CTNNA2: variants seen among roughly 807,000 people sequenced by gnomAD.
The protein encoded by CTNNA2 is catenin alpha 2.
Under a neutral mutation model 101.0 loss-of-function variants are expected in CTNNA2, and 42 were observed. That is an observed-to-expected ratio of 0.42 (90% CI 0.32 to 0.54). The LOEUF (loss-of-function observed/expected upper bound fraction) is 0.54. Ranked by LOEUF, CTNNA2 falls within the 20% of genes least tolerant of loss-of-function variation. The probability of loss-of-function intolerance (pLI) is 0.14; values close to 1 mark genes in which losing one functional copy is unlikely to be tolerated. For synonymous variants in CTNNA2, 450 were observed against 456.4 expected, an observed-to-expected ratio of 0.99 and a Z score of 0.18; for missense variants, 871 against 1,223.1, an observed-to-expected ratio of 0.71 and a Z score of 4.29.
intron 7 of CTNNA2, among the ~76,000 whole-genome samples, chr2:80,225,597 T>C (rs1406885143): frequency 6.6e-6 from 1 of 152,222 alleles, no homozygotes; most frequent in Non-Finnish European, 1.5e-5. Flanking sequence ...ATTGCCATAG[T>C]AGGAAAACAT....
In CTNNA2 at chr2:80,487,891, A is replaced by G. The variant is rs538576828; in HGVS notation, c.1291-57091A>G. On this transcript the variant is annotated intron_variant, in intron 9 of 18. Coordinates refer to ENST00000402739, the MANE Select transcript of CTNNA2 (RefSeq NM_001282597.3). ...AACAGACACAAATGTGTTACTTTTG[A>G]TATATTTTTTCTGTGACCATTGACC... is the stretch of plus-strand genomic sequence containing the variant. Among the ~76,000 whole-genome samples the G allele has an allele frequency of 2.0e-4, 31 of 152,252 alleles. 1 individual carries two copies. In the South Asian group the frequency reaches 6.4e-3, roughly 32 times the overall value.
At chr2:80,276,812 C>T (rs984927611) in intron 7 of CTNNA2, among the ~76,000 whole-genome samples, 4 of 152,088 alleles carry the variant, frequency 2.6e-5, no homozygotes, top group Admixed American at 2.6e-4. Context: ...CCCCATGACC[C>T]AAACACCCCC....
At chr2:79,389,909 G>A (rs2104471030) in intron 4 of CTNNA2, among the ~76,000 whole-genome samples, 1 of 152,262 alleles carries the variant, frequency 6.6e-6, no homozygotes, top group African/African-American at 2.4e-5. Flanking sequence ...ATTATGTAAA[G>A]TGGCTAATTA....
chr2:79,413,961 A>G (rs1678448284), intron 4 of CTNNA2, among the ~76,000 whole-genome samples: 1 of 53,008 alleles, frequency 1.9e-5, no homozygotes, highest in African/African-American at 6.2e-5. Flanking sequence ...ATATATATAT[A>G]TATATATATA....
chr2:80,152,537 A>G (rs1703772387), intron 7 of CTNNA2, among the ~76,000 whole-genome samples: 1 of 152,114 alleles, frequency 6.6e-6, no homozygotes, highest in Admixed American at 6.6e-5. Flanking sequence ...TTCATTCAGA[A>G]CATTTTTTTT....
chr2:80,143,663 T>G (rs1229362048), intron 7 of CTNNA2, among the ~76,000 whole-genome samples: 1 of 152,014 alleles, frequency 6.6e-6, no homozygotes, highest in Non-Finnish European at 1.5e-5. Flanking sequence ...ATTCCTACAT[T>G]CTCCTTTCAA....
intron 8 of CTNNA2, among the ~76,000 whole-genome samples, chr2:80,404,458 C>T (rs1678872033): frequency 6.6e-6 from 1 of 152,118 alleles, no homozygotes; most frequent in South Asian, 2.1e-4. Context: ...ATCTTCTTAA[C>T]TTGAATAAGG....
At chr2:79,872,567 G>C (rs1682674077) in intron 5 of CTNNA2, among the ~76,000 whole-genome samples, 2 of 152,022 alleles carry the variant, frequency 1.3e-5, no homozygotes, top group African/African-American at 4.8e-5. Context: ...GCTCAAATTA[G>C]ATAATCCCAA....
intron 3 of CTNNA2, among the ~76,000 whole-genome samples, chr2:79,837,224 C>T (rs181424454): frequency 6.6e-6 from 1 of 152,212 alleles, no homozygotes; most frequent in Admixed American, 6.5e-5. Context: ...AGTCTGAGTT[C>T]CAAAACTGAA....
At chr2:80,316,460 G>T (rs1243796137) in intron 7 of CTNNA2, among the ~76,000 whole-genome samples, 4 of 152,114 alleles carry the variant, frequency 2.6e-5, no homozygotes, top group Non-Finnish European at 5.9e-5. Context: ...CCTTTAGTCT[G>T]CAGTTTAAAT....
intron 2 of CTNNA2, among the ~76,000 whole-genome samples, chr2:79,198,789 T>A (rs1673995654): frequency 6.6e-6 from 1 of 152,210 alleles, no homozygotes; most frequent in Non-Finnish European, 1.5e-5. Flanking sequence ...ATTCATTTTA[T>A]AAATTTATAG....
chr2:80,036,138 G>A (rs745569274), intron 7 of CTNNA2, among the ~76,000 whole-genome samples: 15 of 152,272 alleles, frequency 9.9e-5, no homozygotes, highest in Non-Finnish European at 2.1e-4. Context: ...GAAGCAGTGC[G>A]ATAATCTACT....
intron 2 of CTNNA2, among the ~76,000 whole-genome samples, chr2:79,220,267 T>A (rs577448459): frequency 6.6e-6 from 1 of 152,158 alleles, no homozygotes; most frequent in East Asian, 1.9e-4. Context: ...AAAATTAAGA[T>A]CTCTTATTCC....
intron 7 of CTNNA2, among the ~76,000 whole-genome samples, chr2:80,185,575 C>A (rs1354570131): frequency 6.6e-6 from 1 of 152,210 alleles, no homozygotes; most frequent in African/African-American, 2.4e-5. Context: ...AGGTTTATCA[C>A]AGGACCTTTC....
At chr2:79,363,348 A>G (rs1677672657) in intron 3 of CTNNA2, among the ~76,000 whole-genome samples, 1 of 152,214 alleles carries the variant, frequency 6.6e-6, no homozygotes. Flanking sequence ...TTATTTAATT[A>G]CTGCCTTATT....
chr2:80,469,804 G>A (rs1471350850), intron 9 of CTNNA2, among the ~76,000 whole-genome samples: 2 of 152,156 alleles, frequency 1.3e-5, no homozygotes. Flanking sequence ...ACATTGGTTG[G>A]TGGGGAACCT....
chr2:79,343,806 T>A (rs934167971), intron 3 of CTNNA2, among the ~76,000 whole-genome samples: 1 of 152,068 alleles, frequency 6.6e-6, no homozygotes, highest in Admixed American at 6.6e-5. Context: ...TTTCTGAACC[T>A]AACTCTTCAG....
intron 7 of CTNNA2, among the ~76,000 whole-genome samples, chr2:80,184,977 ACTG>A (rs1706025492): frequency 6.6e-6 from 1 of 152,278 alleles, no homozygotes; most frequent in Admixed American, 6.5e-5. Context: ...GTATATTGGC[ACTG>A]CTATTTGCTG....
intron 6 of CTNNA2, among the ~76,000 whole-genome samples, chr2:79,882,988 C>T (rs1453538433): frequency 6.6e-6 from 1 of 152,222 alleles, no homozygotes; most frequent in Non-Finnish European, 1.5e-5. Context: ...CACCACCCTG[C>T]TCTTCCTCTC....
Sources: gnomAD v4.1 joint callset for allele counts (sites outside exome capture counted in the v4.1 genomes callset) on GRCh38, gnomAD v4.1.1 for gene constraint, MANE v1.5 for transcripts, NCBI Gene and HGNC (gene_info 2026-07-23, HGNC 2026-07-21) for gene names.